Variants in ORMDL1 observed in about 807,000 individuals in gnomAD.
The protein encoded by ORMDL1 is ORM1-like protein 1.
A neutral mutation model predicts 13.0 loss-of-function variants in ORMDL1; 10 were observed. The ratio of observed to expected loss-of-function variants is 0.77; its 90% CI spans 0.47 to 1.30. The LOEUF (loss-of-function observed/expected upper bound fraction) is 1.30, where lower values mean the gene tolerates loss of function less well. ORMDL1 is among the 50% of genes most tolerant of loss of function. The pLI, the probability that ORMDL1 is intolerant of heterozygous loss-of-function variation, is 0.00. For missense variants in ORMDL1, 171 were observed against 186.7 expected, an observed-to-expected ratio of 0.92 and a Z score of 0.49; for synonymous variants, 61 against 63.9, an observed-to-expected ratio of 0.95 and a Z score of 0.22.
At chr2:189,779,407 A>C (rs938556028) in intron 3 of ORMDL1, among the ~76,000 whole-genome samples, 1 of 152,216 alleles carries the variant, frequency 6.6e-6, no homozygotes, top group South Asian at 2.1e-4. Flanking sequence ...TGATCACGCC[A>C]GTCTCTTAAA....
At chr2:189,773,426 T>C (rs932851893) in intron 4 of ORMDL1, among the ~76,000 whole-genome samples, 1 of 152,146 alleles carries the variant, frequency 6.6e-6, no homozygotes, top group African/African-American at 2.4e-5. Flanking sequence ...TTGAGTCTGT[T>C]TCTTTACTTA....
intron 2 of ORMDL1, 45 bp from the exon 3 acceptor site, chr2:189,782,647 C>T: frequency 2.0e-6 from 3 of 1,536,986 alleles, no homozygotes; most frequent in Non-Finnish European, 2.7e-6. Context: ...CAACTGGCAA[C>T]CTAACACCCC....
At chr2:189,771,975 G>A in intron 4 of ORMDL1, 73 bp from the exon 5 acceptor site, 7 of 1,197,506 alleles carry the variant, frequency 5.8e-6, no homozygotes, top group Non-Finnish European at 6.6e-6. Context: ...CAATTTTAAA[G>A]GTAGAAAAAA....
intron 3 of ORMDL1, among the ~76,000 whole-genome samples, chr2:189,776,396 T>C (rs558399987): frequency 6.6e-6 from 1 of 151,970 alleles, no homozygotes; most frequent in Non-Finnish European, 1.5e-5. Context: ...AAACATATAA[T>C]TTTTTTTATC....
chr2:189,767,575 T>TA (rs1553546561), downstream of ORMDL1, among the ~76,000 whole-genome samples: 3 of 152,216 alleles, frequency 2.0e-5, no homozygotes, highest in Non-Finnish European at 1.5e-5. Context: ...CTTTATATCT[T>TA]AAAACTATTT....
chr2:189,768,783 G>T (rs1029491994), downstream of ORMDL1, among the ~76,000 whole-genome samples: 1 of 152,096 alleles, frequency 6.6e-6, no homozygotes, highest in Non-Finnish European at 1.5e-5. Context: ...TTTAACTCTT[G>T]TGCTATATAA....
chr2:189,783,146 A>C (rs2047921568), intron 1 of ORMDL1, 23 bp from the exon 2 acceptor site: 1 of 152,288 alleles, frequency 6.6e-6, no homozygotes, highest in Admixed American at 6.5e-5. Context: ...TGTGGTGTAA[A>C]ATTTACATGG....
chr2:189,773,490 G>C (rs1037380360), intron 4 of ORMDL1, among the ~76,000 whole-genome samples: 47 of 152,212 alleles, frequency 3.1e-4, no homozygotes, highest in African/African-American at 1.1e-3. Context: ...GGGAGGCCAA[G>C]GCAGGCGGAT....
chr2:189,776,900 G>C (rs1003274616), intron 3 of ORMDL1, among the ~76,000 whole-genome samples: 8 of 151,742 alleles, frequency 5.3e-5, no homozygotes, highest in African/African-American at 1.9e-4. Context: ...AGATGATAAG[G>C]AAAAAAAATG....
At chr2:189,768,389 C>T (rs2047517128), downstream of ORMDL1, among the ~76,000 whole-genome samples, 1 of 152,196 alleles carries the variant, frequency 6.6e-6, no homozygotes, top group African/African-American at 2.4e-5. Context: ...TTGTGTTCTT[C>T]ATGACTAGCA....
At chr2:189,764,103 T>C in the ORMDL1 span, 8 of 152,232 alleles carry the variant, frequency 5.3e-5, no homozygotes, top group African/African-American at 1.9e-4. Flanking sequence ...CACTGGAGTC[T>C]GTTTTCTTAA....
At position 189,771,704 on chromosome 2, in the gene ORMDL1, T is replaced by A; in HGVS notation, c.*63A>T. On this transcript the variant is annotated 3_prime_UTR_variant, in exon 5 of 5. Transcript: ENST00000392349. ...TTATCACAGAAACAGTGCAGTTTACTAACCACTCCTTCCTTATAAGAAATT... is the reference window on the plus strand; with the variant it reads ...TTATCACAGAAACAGTGCAGTTTACAAACCACTCCTTCCTTATAAGAAATT... The A allele has an allele frequency of 7.1e-7, 1 of 1,408,512 alleles. No homozygotes were observed. The highest frequency in any genetic ancestry group is 9.7e-7 in the Non-Finnish European group (1 of 1,034,296). The allele number at this position is 1,408,512 out of a possible 1,614,324, so 87.3% of individuals were successfully genotyped here.
chr2:189,782,776 G>C (rs912203996), intron 2 of ORMDL1, 174 bp from the exon 3 acceptor site: 1 of 530,636 alleles, frequency 1.9e-6, no homozygotes, highest in Non-Finnish European at 3.3e-6. Context: ...CAGCAGTAAA[G>C]AATCTTCAGC....
chr2:189,773,990 C>T (rs1009422409), intron 4 of ORMDL1: 2 of 152,094 alleles, frequency 1.3e-5, no homozygotes, highest in African/African-American at 2.4e-5. Context: ...GAATGTCAGG[C>T]ATTTTACATG....
At chr2:189,780,944 C>A (rs1451573449) in intron 3 of ORMDL1, among the ~76,000 whole-genome samples, 3 of 152,300 alleles carry the variant, frequency 2.0e-5, no homozygotes, top group Non-Finnish European at 4.4e-5. Context: ...GAGGCAGGGT[C>A]TCACTGTCAC....
At chr2:189,765,516 C>G (rs915501355), downstream of ORMDL1, 3 of 152,152 alleles carry the variant, frequency 2.0e-5, no homozygotes, top group African/African-American at 7.2e-5. Context: ...CTGAGTTACC[C>G]ACCACAAACT....
At chr2:189,780,564 G>T (rs564668594) in intron 3 of ORMDL1, among the ~76,000 whole-genome samples, 1 of 152,250 alleles carries the variant, frequency 6.6e-6, no homozygotes, top group East Asian at 1.9e-4. Flanking sequence ...ATGGGTAGAT[G>T]AAGTAACCTA....
rs2106161432 is a variant in ORMDL1 at position 189,783,039 on chromosome 2, C to G, written c.-33G>C. The G allele has an allele frequency of 6.2e-6, 1 of 160,090 alleles. No homozygotes were observed. The highest frequency in any genetic ancestry group is 2.4e-5 in the African/African-American group (1 of 41,614). 9.9% of individuals were successfully genotyped at this position (160,090 alleles called of 1,614,324 possible). On this transcript the variant is annotated 5_prime_UTR_variant, in exon 2 of 5. Coordinates refer to ENST00000392349, the MANE Select transcript of ORMDL1 (RefSeq NM_016467.5). ...CGAGCCAGTGTGTCAAGTAGTCAGA[C>G]TCTTATATTTGACTTAATGTATCCA...
Position 189,771,707 on chromosome 2 carries a change from C to T in ORMDL1, c.*60G>A. 3.5e-6 allele frequency: 5 copies of T among 1,429,140 alleles called. No individual in the cohort carries two copies. The highest frequency in any genetic ancestry group is 4.8e-6 in the Non-Finnish European group (5 of 1,050,292). The allele number at this position is 1,429,140 out of a possible 1,614,324, so 88.5% of individuals were successfully genotyped here. A position where few individuals can be genotyped will look rare whatever the true frequency, so the allele number is the denominator to read the frequency against. ...TCACAGAAACAGTGCAGTTTACTAA[C>T]CACTCCTTCCTTATAAGAAATTCAG... is the stretch of plus-strand genomic sequence containing the variant. On this transcript the variant is annotated 3_prime_UTR_variant, in exon 5 of 5. Transcript: ENST00000392349.
Sources: gnomAD v4.1 joint callset for allele counts (sites outside exome capture counted in the v4.1 genomes callset) on GRCh38, gnomAD v4.1.1 for gene constraint, MANE v1.5 for transcripts, NCBI Gene and HGNC (gene_info 2026-07-23, HGNC 2026-07-21) for gene names.